The following ADGRV1 variants were observed in gnomAD, a reference collection of about 807,000 sequenced individuals.
ADGRV1 encodes G-protein coupled receptor 98.
A neutral mutation model predicts 596.2 loss-of-function variants in ADGRV1; 359 were observed. The ratio of observed to expected loss-of-function variants is 0.60; its 90% CI spans 0.55 to 0.66. The LOEUF (loss-of-function observed/expected upper bound fraction) is 0.66. Ranked by LOEUF, ADGRV1 falls within the 30% of genes least tolerant of loss-of-function variation. The pLI is 0.00. For synonymous variants in ADGRV1, 2,681 were observed against 2,679.2 expected, an observed-to-expected ratio of 1.00 and a Z score of -0.02; for missense variants, 7,274 against 7,575.6, an observed-to-expected ratio of 0.96 and a Z score of 1.48.
chr5:90,625,356 G>A (rs1033364957), intron 6 of ADGRV1, 113 bp downstream of exon 6: 52 of 594,996 alleles, frequency 8.7e-5, no homozygotes, highest in Non-Finnish European at 1.4e-4. Flanking sequence ...ATAGCTGACT[G>A]TTCTGGAATA....
At chr5:91,127,344 C>G (rs193069280) in intron 87 of ADGRV1, among the ~76,000 whole-genome samples, 1 of 151,956 alleles carries the variant, frequency 6.6e-6, no homozygotes, top group Non-Finnish European at 1.5e-5. Context: ...GTTTGAGACC[C>G]ACCTGGGCAA....
At chr5:90,891,797 G>A (rs369504770) in intron 83 of ADGRV1, among the ~76,000 whole-genome samples, 4 of 151,780 alleles carry the variant, frequency 2.6e-5, no homozygotes, top group African/African-American at 9.7e-5. Context: ...TCATAAACCC[G>A]CCTGCTATCA....
Position 90,609,325 on chromosome 5 carries a change from A to T in ADGRV1, c.23-5510A>T, listed in dbSNP as rs182262743. ...GTTATTTAAAGATGAATAAAATAAA[A>T]TGTATTTCTTATAAATTAAAAATAA... is the stretch of plus-strand genomic sequence containing the variant. On this transcript the variant is annotated intron_variant, in intron 1 of 89. Transcript: ENST00000405460. Among the ~76,000 whole-genome samples, 1,413 of 152,160 alleles carry T rather than the reference A, an allele frequency of 9.3e-3. 10 individuals carry two copies. Among genetic ancestry groups the T allele is most frequent in the Middle Eastern group, 0.044 (13 of 294 alleles).
intron 1 of ADGRV1, among the ~76,000 whole-genome samples, chr5:90,577,894 T>G (rs1259547084): frequency 6.6e-6 from 1 of 152,190 alleles, no homozygotes; most frequent in Non-Finnish European, 1.5e-5. Context: ...GAATGGGAAT[T>G]CACTCATGAT....
chr5:91,081,549 C>T (rs754990085), intron 86 of ADGRV1, among the ~76,000 whole-genome samples: 6 of 151,936 alleles, frequency 3.9e-5, no homozygotes, highest in African/African-American at 9.7e-5. Flanking sequence ...TTTGAGAGGC[C>T]GAGGCAGGTG....
rs1765346143 is a variant in ADGRV1 at position 90,840,662 on chromosome 5, T to C, written c.16696T>C (p.Leu5566=). The change falls in exon 78 of 90, where the codon TTG becomes CTG. Residue 5566 remains leucine, a synonymous_variant. Coordinates refer to ENST00000405460, the MANE Select transcript of ADGRV1 (RefSeq NM_032119.4). The part of the protein sequence containing the change: ...GKDFVITEGT[L]VFEPGQRSTV... ...GGATTTTGTGATAACTGAAGGCACA[T>C]TGGTCTTTGAACCTGGCCAGAGAAG... is the stretch of plus-strand genomic sequence containing the variant. 4 of 1,614,018 alleles carry C rather than the reference T, an allele frequency of 2.5e-6. No individual in the cohort carries two copies. Among genetic ancestry groups the C allele is most frequent in the South Asian group, 1.1e-5 (1 of 91,082 alleles).
intron 84 of ADGRV1, 108 bp downstream of exon 84, chr5:90,965,639 C>G: frequency 1.7e-6 from 1 of 581,752 alleles, no homozygotes; most frequent in South Asian, 2.5e-5. Flanking sequence ...TTCCGTATAT[C>G]CATCACTGCA....
At chr5:90,676,268 T>C (rs2149553765) in intron 25 of ADGRV1, 59 bp downstream of exon 25, 2 of 1,493,820 alleles carry the variant, frequency 1.3e-6, no homozygotes, top group African/African-American at 1.4e-5. Flanking sequence ...CTGATGAAAG[T>C]AGATTCCTTT....
intron 83 of ADGRV1, among the ~76,000 whole-genome samples, chr5:90,903,642 T>C (rs911185256): frequency 1.3e-5 from 2 of 151,992 alleles, no homozygotes; most frequent in African/African-American, 4.8e-5. Flanking sequence ...TTTTTGTGGG[T>C]ACCTAGTAGG....
chr5:90,666,443 C>T (rs1030616844), intron 21 of ADGRV1, among the ~76,000 whole-genome samples: 1 of 151,728 alleles, frequency 6.6e-6, no homozygotes, highest in Non-Finnish European at 1.5e-5. Flanking sequence ...CAACACCTGC[C>T]TTTTTTTGTT....
chr5:90,558,958 G>T (rs753717540), intron 1 of ADGRV1, 41 bp downstream of exon 1: 5 of 1,535,808 alleles, frequency 3.3e-6, no homozygotes, highest in Middle Eastern at 1.9e-4. Flanking sequence ...GCATCGCTGA[G>T]CCCCAGGGGA....
At chr5:90,735,186 A>G (rs1753062533) in intron 50 of ADGRV1, among the ~76,000 whole-genome samples, 1 of 152,168 alleles carries the variant, frequency 6.6e-6, no homozygotes, top group South Asian at 2.1e-4. Context: ...GAGTTGATTT[A>G]TGTATTTGGT....
At chr5:90,960,188 GGGT>G (rs1294569863) in intron 83 of ADGRV1, among the ~76,000 whole-genome samples, 8 of 151,656 alleles carry the variant, frequency 5.3e-5, no homozygotes, top group African/African-American at 1.5e-4. Flanking sequence ...AGGGTGGTAG[GGGT>G]GGTGGTGGTG....
chr5:90,567,890 C>T (rs1755854571), intron 1 of ADGRV1, among the ~76,000 whole-genome samples: 1 of 151,978 alleles, frequency 6.6e-6, no homozygotes, highest in Non-Finnish European at 1.5e-5. Flanking sequence ...CAGGCACCTG[C>T]CACCACGCCC....
chr5:90,890,265 T>C (rs1433652190), intron 83 of ADGRV1, among the ~76,000 whole-genome samples: 1 of 151,762 alleles, frequency 6.6e-6, no homozygotes, highest in African/African-American at 2.4e-5. Flanking sequence ...TGTAGGTCTG[T>C]TTTATGCATT....
intron 85 of ADGRV1, among the ~76,000 whole-genome samples, chr5:91,007,258 T>G (rs1384788232): frequency 6.6e-6 from 1 of 152,238 alleles, no homozygotes; most frequent in Non-Finnish European, 1.5e-5. Flanking sequence ...ATTAGCTTCA[T>G]GGTACATCTA....
At chr5:90,596,394 C>T (rs866614098) in intron 1 of ADGRV1, among the ~76,000 whole-genome samples, 53 of 151,488 alleles carry the variant, frequency 3.5e-4, no homozygotes, top group African/African-American at 1.0e-3. Flanking sequence ...GGGTGGCGGC[C>T]GGGCAGAGGC....
chr5:91,111,828 C>G (rs954060663), intron 87 of ADGRV1, among the ~76,000 whole-genome samples: 7 of 152,178 alleles, frequency 4.6e-5, no homozygotes, highest in Admixed American at 3.9e-4. Flanking sequence ...AAAAAAATCA[C>G]TACATTTGTT....
chr5:90,716,294 G>C (rs1263297103), intron 42 of ADGRV1, among the ~76,000 whole-genome samples, 173 bp from the exon 43 acceptor site: 1 of 152,146 alleles, frequency 6.6e-6, no homozygotes, highest in Non-Finnish European at 1.5e-5. Flanking sequence ...TATCATGATT[G>C]AATATGTTAT....
Sources: allele counts gnomAD v4.1 joint callset (sites outside exome capture counted in the v4.1 genomes callset), GRCh38; gene constraint gnomAD v4.1.1; transcripts MANE v1.5; gene names NCBI Gene and HGNC (gene_info 2026-07-23, HGNC 2026-07-21).